Variants in SMAP1 observed in about 807,000 individuals in gnomAD.
SMAP1 encodes stromal membrane-associated protein 1.
Under a neutral mutation model 58.5 loss-of-function variants are expected in SMAP1, and 24 were observed. The ratio of observed to expected loss-of-function variants is 0.41; its 90% CI spans 0.30 to 0.58. SMAP1 has a LOEUF of 0.58. Ranked by LOEUF, SMAP1 falls within the 20% of genes least tolerant of loss-of-function variation. The pLI, the probability that SMAP1 is intolerant of heterozygous loss-of-function variation, is 0.29. For missense variants in SMAP1, 563 were observed against 566.3 expected (o/e 0.99, Z 0.06); for synonymous variants, 216 against 196.6 (o/e 1.10, Z -0.82).
At chr6:70,698,736 T>G (rs1182735634) in intron 1 of SMAP1, among the ~76,000 whole-genome samples, 1 of 135,382 alleles carries the variant, frequency 7.4e-6, no homozygotes, top group Non-Finnish European at 1.6e-5. Flanking sequence ...TTCTGCTTGA[T>G]TTTTAGTTAT....
At chr6:70,683,233 C>G (rs1345980002) in intron 1 of SMAP1, among the ~76,000 whole-genome samples, 1 of 145,290 alleles carries the variant, frequency 6.9e-6, no homozygotes, top group Non-Finnish European at 1.5e-5. Flanking sequence ...TGCAGTGGCA[C>G]AGTCTCAGCT....
intron 7 of SMAP1, among the ~76,000 whole-genome samples, chr6:70,844,182 A>C (rs1455590637): frequency 6.6e-6 from 1 of 152,186 alleles, no homozygotes; most frequent in East Asian, 1.9e-4. Context: ...ATCTGGTTTC[A>C]TATTTATATA....
At chr6:70,802,647 A>C (rs141439502) in intron 6 of SMAP1, among the ~76,000 whole-genome samples, 3,656 of 152,288 alleles carry the variant, frequency 0.024, 65 homozygotes, top group Non-Finnish European at 0.038. Context: ...TGGGTTTGTC[A>C]TAAATAGCTC....
At chr6:70,763,197 A>T (rs1267170011) in intron 3 of SMAP1, among the ~76,000 whole-genome samples, 1 of 147,288 alleles carries the variant, frequency 6.8e-6, no homozygotes, top group Admixed American at 6.9e-5. Context: ...CCAACAACAC[A>T]TGTTTACTTT....
At chr6:70,673,639 C>T (rs978693727) in intron 1 of SMAP1, among the ~76,000 whole-genome samples, 14 of 152,326 alleles carry the variant, frequency 9.2e-5, no homozygotes, top group Admixed American at 3.3e-4. Context: ...GCTTATAGGA[C>T]AAATTTATAT....
intron 7 of SMAP1, among the ~76,000 whole-genome samples, chr6:70,849,736 A>G (rs1771116246): frequency 6.6e-6 from 1 of 152,244 alleles, no homozygotes; most frequent in African/African-American, 2.4e-5. Flanking sequence ...GTGGTAAAAC[A>G]CACATAAAAT....
At chr6:70,711,968 C>A (rs1338540636) in intron 1 of SMAP1, among the ~76,000 whole-genome samples, 1 of 152,084 alleles carries the variant, frequency 6.6e-6, no homozygotes, top group Non-Finnish European at 1.5e-5. Flanking sequence ...ATTCTGTGTT[C>A]AATAGAAGTG....
chr6:70,852,091 A>G (rs1373598512), intron 7 of SMAP1, among the ~76,000 whole-genome samples: 1 of 152,138 alleles, frequency 6.6e-6, no homozygotes, highest in Non-Finnish European at 1.5e-5. Flanking sequence ...ATGGAGAGGG[A>G]TTATTAATAA....
chr6:70,844,164 G>A (rs931816171), intron 7 of SMAP1, among the ~76,000 whole-genome samples: 16 of 152,122 alleles, frequency 1.1e-4, no homozygotes, highest in Non-Finnish European at 1.9e-4. Context: ...AAGAAATTTG[G>A]TTATACAATC....
At chr6:70,834,260 C>T (rs1770477838) in intron 6 of SMAP1, among the ~76,000 whole-genome samples, 1 of 151,698 alleles carries the variant, frequency 6.6e-6, no homozygotes, top group African/African-American at 2.4e-5. Flanking sequence ...TCCTTTTTAG[C>T]CTGAAGAGGT....
chr6:70,839,201 G>A (rs1015819780), intron 7 of SMAP1, among the ~76,000 whole-genome samples: 1 of 152,140 alleles, frequency 6.6e-6, no homozygotes, highest in Admixed American at 6.5e-5. Flanking sequence ...AACTTCATTT[G>A]ATACATTTTC....
At chr6:70,751,004 C>T (rs1766254504) in intron 2 of SMAP1, among the ~76,000 whole-genome samples, 1 of 152,136 alleles carries the variant, frequency 6.6e-6, no homozygotes, top group African/African-American at 2.4e-5. Flanking sequence ...CTTTGGGAGG[C>T]CCAGGCGGGC....
intron 6 of SMAP1, among the ~76,000 whole-genome samples, chr6:70,817,538 T>A (rs1450324112): frequency 6.6e-6 from 1 of 152,148 alleles, no homozygotes; most frequent in Non-Finnish European, 1.5e-5. Context: ...GTCTTCCCCT[T>A]CATTAAAAAG....
intron 1 of SMAP1, among the ~76,000 whole-genome samples, chr6:70,669,334 T>G (rs1766169046): frequency 6.6e-6 from 1 of 152,246 alleles, no homozygotes; most frequent in African/African-American, 2.4e-5. Context: ...TTCAGTAGGC[T>G]GATAATATTT....
Position 70,728,984 on chromosome 6 carries a change from A to G in SMAP1, c.119-3394A>G, listed in dbSNP as rs745431722. Among the ~76,000 whole-genome samples the G allele has an allele frequency of 2.2e-4, 33 of 152,268 alleles. 1 individual carries two copies. The highest frequency in any genetic ancestry group is 9.8e-4 in the Admixed American group (15 of 15,290). On this transcript the variant is annotated intron_variant, in intron 1 of 10. Coordinates refer to ENST00000370455, the MANE Select transcript of SMAP1 (RefSeq NM_001044305.3). ...CAATTACTCTTGACTTCTTTGGAAT[A>G]TTTGATACTATTGAACATCTTTTTT...
chr6:70,846,068 C>CT (rs1770977063), intron 7 of SMAP1, among the ~76,000 whole-genome samples: 1 of 152,224 alleles, frequency 6.6e-6, no homozygotes, highest in East Asian at 1.9e-4. Context: ...GCTGTAAACT[C>CT]TAAGAGAGGC....
At chr6:70,669,409 G>A (rs1014268694) in intron 1 of SMAP1, among the ~76,000 whole-genome samples, 3 of 152,224 alleles carry the variant, frequency 2.0e-5, no homozygotes, top group Admixed American at 2.0e-4. Context: ...TGAATTACTA[G>A]AAGAATCATG....
chr6:70,844,156 G>T (rs535228339), intron 7 of SMAP1, among the ~76,000 whole-genome samples: 40 of 152,276 alleles, frequency 2.6e-4, no homozygotes, highest in Admixed American at 6.5e-4. Flanking sequence ...CATTTAGAAA[G>T]AAATTTGGTT....
At chr6:70,714,033 G>C (rs1362958604) in intron 1 of SMAP1, among the ~76,000 whole-genome samples, 1 of 152,120 alleles carries the variant, frequency 6.6e-6, no homozygotes, top group South Asian at 2.1e-4. Flanking sequence ...GACTTACAGT[G>C]TACTTCGATG....
Sources: gnomAD v4.1 joint callset for allele counts (sites outside exome capture counted in the v4.1 genomes callset) on GRCh38, gnomAD v4.1.1 for gene constraint, MANE v1.5 for transcripts, NCBI Gene and HGNC (gene_info 2026-07-23, HGNC 2026-07-21) for gene names.